The following CHRDL2 variants were observed in gnomAD, a reference collection of about 807,000 sequenced individuals.
The protein encoded by CHRDL2 is chordin-like protein 2.
CHRDL2 carries 41 observed loss-of-function variants against 54.3 expected under a neutral mutation model. That is an observed-to-expected ratio of 0.76 (90% confidence interval 0.59 to 0.98). The LOEUF (loss-of-function observed/expected upper bound fraction) is 0.98. CHRDL2 is among the 50% of genes least tolerant of loss of function. CHRDL2 has a pLI of 0.00. For missense variants in CHRDL2, 518 were observed against 562.4 expected (o/e 0.92, Z 0.80); for synonymous variants, 220 against 224.3 (o/e 0.98, Z 0.17).
chr11:74,728,678 G>C (rs1330302546), intron 1 of CHRDL2, among the ~76,000 whole-genome samples: 2 of 152,150 alleles, frequency 1.3e-5, no homozygotes, highest in Non-Finnish European at 2.9e-5. Context: ...CACTGTGCCT[G>C]GCTTTTGTTC....
Position 74,696,558 on chromosome 11 carries a change from G to C in CHRDL2, c.1241C>G (p.Thr414Ser), listed in dbSNP as rs1171844325. 2.5e-6 allele frequency: 4 copies of C among 1,614,052 alleles called. No individual in the cohort carries two copies. Among genetic ancestry groups the C allele is most frequent in the Middle Eastern group, 1.7e-4 (1 of 5,960 alleles). The change falls in exon 11 of 11, where the codon ACC (threonine) becomes AGC (serine). Residue 414 changes from threonine (T) to serine (S), a missense_variant. Physicochemically the swap from Thr to Ser is moderately conservative, Grantham distance 58 (BLOSUM62 1). Transcript: ENST00000376332. ...EGHWNVFLAQ[T>S]LELKVTASPD... The stretch of plus-strand genomic sequence containing the variant: ...ACTGGCCGTGACCTTCAGCTCCAGG[G>C]TCTGGGCTAGGAAGACGTTCCAGTG...
intron 4 of CHRDL2, among the ~76,000 whole-genome samples, chr11:74,709,609 G>T (rs2034119747): frequency 6.6e-6 from 1 of 152,128 alleles, no homozygotes; most frequent in Non-Finnish European, 1.5e-5. Context: ...TTATTTGCAG[G>T]CTGTTTGCTC....
In CHRDL2 at chr11:74,713,470, C is replaced by A; in HGVS notation, c.205G>T (p.Val69Leu). 1 of 1,614,130 alleles carries A rather than the reference C, an allele frequency of 6.2e-7. No individual in the cohort carries two copies. The highest frequency in any genetic ancestry group is 8.5e-7 in the Non-Finnish European group (1 of 1,179,974). The change falls in exon 3 of 11, where the codon GTG becomes TTG. Residue 69 changes from valine (V) to leucine (L), a missense_variant. By Grantham distance (32) the Val-to-Leu change is conservative. Coordinates refer to ENST00000376332, the MANE Select transcript of CHRDL2 (RefSeq NM_001278473.3). ...GGACAGTGGAGGCGGTAACAACTCA[C>A]ATGGGCGCCCTGAAGGGGACACAAG... The part of the protein sequence containing the change: ...LRCTCSEGAH[V>L]SCYRLHCPPV...
chr11:74,704,468 G>A lies in CHRDL2; in HGVS notation c.751+18C>T. On this transcript the variant is annotated intron_variant, in intron 7 of 10. Transcript: ENST00000376332. ...CCCCTTCCCTGCCTCACAGATTGGA[G>A]GAGGGTCCAGTCCCCACCTTTCTTA... is the stretch of plus-strand genomic sequence containing the variant. The A allele has an allele frequency of 6.3e-7, 1 of 1,584,852 alleles. No individual in the cohort carries two copies. The highest frequency in any genetic ancestry group is 8.6e-7 in the Non-Finnish European group (1 of 1,169,192).
intron 4 of CHRDL2, 147 bp from the exon 5 acceptor site, chr11:74,708,542 C>T: frequency 1.7e-6 from 1 of 604,494 alleles, no homozygotes; most frequent in Non-Finnish European, 2.8e-6. Flanking sequence ...ACAGCAAGGC[C>T]CGGCCAGCTC....
rs181307995 is a variant in CHRDL2, at chr11:74,703,561, T to C, written c.752-62A>G. 2.5e-4 allele frequency: 362 copies of C among 1,425,308 alleles called. 2 individuals carry two copies. The East Asian group carries it at 5.0e-3, about 20-fold the overall frequency. 88.3% of individuals were successfully genotyped at this position (1,425,308 alleles called of 1,614,324 possible). On this transcript the variant is annotated intron_variant, in intron 7 of 10. Coordinates refer to ENST00000376332, the MANE Select transcript of CHRDL2 (RefSeq NM_001278473.3). ...CCTCAGACCTGGCCAGGGCCTCTGGTCCAGCAGCGGGTGGGGTGGGCCCTT... is the reference window on the plus strand; with the variant it reads ...CCTCAGACCTGGCCAGGGCCTCTGGCCCAGCAGCGGGTGGGGTGGGCCCTT...
chr11:74,696,456 A>G lies in CHRDL2; in HGVS notation c.*53T>C. 7.1e-7 allele frequency: 1 copy of G among 1,403,624 alleles called. No homozygotes were observed. Among genetic ancestry groups the G allele is most frequent in the Non-Finnish European group, 1.0e-6 (1 of 994,774 alleles). The allele number at this position is 1,403,624 out of a possible 1,614,324, so 86.9% of individuals were successfully genotyped here. A position where few individuals can be genotyped will look rare whatever the true frequency, so the allele number is the denominator to read the frequency against. On this transcript the variant is annotated 3_prime_UTR_variant, in exon 11 of 11. Coordinates refer to ENST00000376332, the MANE Select transcript of CHRDL2 (RefSeq NM_001278473.3). ...AGGGTAATGCAACTTCTTATTTATT[A>G]ATATATAATAACAACAATTATACAG...
chr11:74,702,084 T>A (rs2033833643), intron 9 of CHRDL2, among the ~76,000 whole-genome samples: 1 of 151,684 alleles, frequency 6.6e-6, no homozygotes, highest in Non-Finnish European at 1.5e-5. Context: ...CAAAACCCCA[T>A]CTCTACAAAA....
rs1375315986 is a variant in CHRDL2, at chr11:74,723,885, A to G, written c.83-5053T>C. Among the ~76,000 whole-genome samples, 5 of 152,290 alleles carry G rather than the reference A, an allele frequency of 3.3e-5. No homozygotes were observed. The South Asian group carries it at 1.0e-3, about 31-fold the overall frequency. On this transcript the variant is annotated intron_variant, in intron 1 of 10. Coordinates refer to ENST00000376332, the MANE Select transcript of CHRDL2 (RefSeq NM_001278473.3). ...AACATTTTGGACCAAGGTTAATCAC[A>G]GGAAACTGAGACCTCAGAAATTGAA... is the stretch of plus-strand genomic sequence containing the variant.
At chr11:74,699,627 T>TCCTTTCTA (rs2033734655) in intron 9 of CHRDL2, 1 of 152,252 alleles carries the variant, frequency 6.6e-6, no homozygotes, top group South Asian at 2.1e-4. Context: ...GACCCCGACA[T>TCCTTTCTA]CCTTTCTACT....
At chr11:74,727,563 C>T (rs1395494723) in intron 1 of CHRDL2, among the ~76,000 whole-genome samples, 1 of 152,058 alleles carries the variant, frequency 6.6e-6, no homozygotes, top group Admixed American at 6.6e-5. Flanking sequence ...TGCCACCATG[C>T]CAGGCTAATT....
intron 4 of CHRDL2, among the ~76,000 whole-genome samples, chr11:74,709,543 C>T (rs1432925002): frequency 5.9e-5 from 9 of 152,214 alleles, no homozygotes; most frequent in Non-Finnish European, 1.3e-4. Context: ...GCAAAAGGCT[C>T]ACACCCTGCA....
At chr11:74,711,252 A>G (rs936822688) in intron 3 of CHRDL2, among the ~76,000 whole-genome samples, 2 of 152,182 alleles carry the variant, frequency 1.3e-5, no homozygotes, top group South Asian at 2.1e-4. Context: ...GCCAGCCCCA[A>G]CCAGAGCAAG....
intron 2 of CHRDL2, among the ~76,000 whole-genome samples, chr11:74,716,122 G>T (rs184951992): frequency 6.6e-6 from 1 of 152,202 alleles, no homozygotes; most frequent in Admixed American, 6.5e-5. Context: ...GGAACTGTTC[G>T]TGAGAAGATC....
At chr11:74,721,568 A>G (rs996580983) in intron 1 of CHRDL2, among the ~76,000 whole-genome samples, 5 of 152,206 alleles carry the variant, frequency 3.3e-5, no homozygotes, top group Non-Finnish European at 7.4e-5. Context: ...CATGGCCTGG[A>G]GCTCTCTCTT....
At chr11:74,730,174 G>A (rs2034629577) in intron 1 of CHRDL2, among the ~76,000 whole-genome samples, 1 of 152,138 alleles carries the variant, frequency 6.6e-6, no homozygotes, top group Non-Finnish European at 1.5e-5. Context: ...ACTGTGCCCT[G>A]CCGCCTCCCA....
At chr11:74,708,748 G>A (rs2034095425) in intron 4 of CHRDL2, among the ~76,000 whole-genome samples, 2 of 152,224 alleles carry the variant, frequency 1.3e-5, no homozygotes, top group Admixed American at 1.3e-4. Flanking sequence ...TTGGGGCCCA[G>A]TCTTCAAGCT....
At chr11:74,714,100 G>A (rs996643441) in intron 2 of CHRDL2, among the ~76,000 whole-genome samples, 1 of 152,018 alleles carries the variant, frequency 6.6e-6, no homozygotes, top group Non-Finnish European at 1.5e-5. Context: ...AGCAGAAACC[G>A]AGGCAGAGTG....
intron 9 of CHRDL2, chr11:74,701,435 A>G (rs1407553410): frequency 1.8e-6 from 1 of 542,548 alleles, no homozygotes; most frequent in Non-Finnish European, 3.4e-6. Context: ...CAGAGCCACG[A>G]AGCCAGCAGT....
Sources: allele counts gnomAD v4.1 joint callset (sites outside exome capture counted in the v4.1 genomes callset), GRCh38; gene constraint gnomAD v4.1.1; transcripts MANE v1.5; gene names NCBI Gene and HGNC (gene_info 2026-07-23, HGNC 2026-07-21).